ABCC1: variants seen among roughly 807,000 people sequenced by gnomAD.
ABCC1 encodes multidrug resistance-associated protein 1.
ABCC1 carries 83 observed loss-of-function variants against 172.9 expected under a neutral mutation model. The observed-to-expected ratio is 0.48, with a 90% CI of 0.40 to 0.58. The LOEUF is 0.58. Among genes scored for constraint, ABCC1 ranks in the 20% least tolerant of loss-of-function variants. ABCC1 has a pLI of 0.00. For synonymous variants in ABCC1, 937 were observed against 825.2 expected (o/e 1.14, Z -2.32); for missense variants, 1,817 against 2,002.7 (o/e 0.91, Z 1.77).
rs1345574420 is a variant in ABCC1 at position 16,052,720 on chromosome 16, T to G, written c.1381-4T>G. Reference sequence around the variant, plus strand: ...GTGATGAAGAGTCTCCTTTCCTTCCTTAGAATCTGGGCCCTTCCGTCCTGG... The same window carrying G: ...GTGATGAAGAGTCTCCTTTCCTTCCGTAGAATCTGGGCCCTTCCGTCCTGG... On this transcript the variant is annotated splice_polypyrimidine_tract_variant and splice_region_variant and intron_variant, in intron 10 of 30. Transcript: ENST00000399410. The G allele has an allele frequency of 1.2e-6, 2 of 1,614,058 alleles. No homozygotes were observed. The highest frequency in any genetic ancestry group is 1.7e-5 in the Admixed American group (1 of 60,006).
At chr16:16,023,935 T>C (rs532832748) in intron 5 of ABCC1, among the ~76,000 whole-genome samples, 1 of 152,276 alleles carries the variant, frequency 6.6e-6, no homozygotes, top group Admixed American at 6.5e-5. Flanking sequence ...TCGGCTTGGC[T>C]AGGCTGGGTG....
rs1422782613 is a variant in ABCC1 at position 15,999,813 on chromosome 16, T to TC, written c.49-8002dup. On this transcript the variant is annotated intron_variant, in intron 1 of 30. Transcript: ENST00000399410. ...TCTCTCTCTCTCTCTCTCTCTCCTC[T>TC]CTCTCTCTCTCTCTCTCTCTGTCTC... is the stretch of plus-strand genomic sequence containing the variant. Among the ~76,000 whole-genome samples, 42 of 55,112 alleles carry TC rather than the reference T, an allele frequency of 7.6e-4. 1 individual carries two copies. Among genetic ancestry groups the TC allele is most frequent in the African/African-American group, 2.5e-3 (36 of 14,404 alleles). The allele number at this position is 55,112 out of a possible 152,430, so 36.2% of individuals were successfully genotyped here.
chr16:16,123,346 A>G (rs956648664), intron 24 of ABCC1, among the ~76,000 whole-genome samples: 1 of 152,178 alleles, frequency 6.6e-6, no homozygotes, highest in Non-Finnish European at 1.5e-5. Context: ...CTTTAAACAA[A>G]TAAGATGGCC....
intron 1 of ABCC1, among the ~76,000 whole-genome samples, chr16:16,005,863 A>G (rs1344719040): frequency 6.6e-6 from 1 of 152,138 alleles, no homozygotes; most frequent in Non-Finnish European, 1.5e-5. Flanking sequence ...TTGAGGCAGG[A>G]GAATCACTTG....
At chr16:15,999,700 C>T (rs1432815546) in intron 1 of ABCC1, among the ~76,000 whole-genome samples, 1 of 145,006 alleles carries the variant, frequency 6.9e-6, no homozygotes, top group African/African-American at 2.5e-5. Flanking sequence ...TCCTGGGCTC[C>T]AGCTGTCCTC....
At chr16:15,999,834 G>GTT (rs2047217070) in intron 1 of ABCC1, among the ~76,000 whole-genome samples, 1 of 9,418 alleles carries the variant, frequency 1.1e-4, no homozygotes. Context: ...CTCTCTCTCT[G>GTT]TCTCTTTCTT....
At position 16,058,036 on chromosome 16, in the gene ABCC1, T is replaced by G. The variant is rs142513075; in HGVS notation, c.1677+1741T>G. 8.5e-5 allele frequency among the ~76,000 whole-genome samples: 13 copies of G among 152,204 alleles called. No homozygotes were observed. In the East Asian group the frequency reaches 2.5e-3, roughly 29 times the overall value. On this transcript the variant is annotated intron_variant, in intron 12 of 30. Transcript: ENST00000399410. The stretch of plus-strand genomic sequence containing the variant: ...CCCATTCCTTGCAAAAACAGGTTGT[T>G]CCCTGTTTTTTTTGCTGTTATGATC...
At chr16:16,030,135 C>T (rs2048513538) in intron 5 of ABCC1, among the ~76,000 whole-genome samples, 1 of 152,202 alleles carries the variant, frequency 6.6e-6, no homozygotes, top group Non-Finnish European at 1.5e-5. Context: ...ATACTTGTTT[C>T]TTTCCGCTTT....
chr16:15,996,225 C>T lies in ABCC1; in HGVS notation c.49-11591C>T, dbSNP rs558791356. On this transcript the variant is annotated intron_variant, in intron 1 of 30. Transcript: ENST00000399410. ...GTCTCGAACTCCTGACCTCATGATC[C>T]GCCCGCCTCAGCCTCCCAAAGTGCT... Among the ~76,000 whole-genome samples, 44 of 152,154 alleles carry T rather than the reference C, an allele frequency of 2.9e-4. No individual in the cohort carries two copies. The South Asian group carries it at 7.7e-3, about 27-fold the overall frequency.
At chr16:16,027,595 T>G (rs947143662) in intron 5 of ABCC1, among the ~76,000 whole-genome samples, 2 of 152,170 alleles carry the variant, frequency 1.3e-5, no homozygotes, top group Non-Finnish European at 2.9e-5. Context: ...GGTGGATCAC[T>G]TGAGCTCAGG....
intron 1 of ABCC1, among the ~76,000 whole-genome samples, chr16:16,007,214 T>TG (rs1555480445): frequency 1.4e-5 from 2 of 145,774 alleles, no homozygotes; most frequent in South Asian, 4.4e-4. Flanking sequence ...GTATGCACTG[T>TG]TGTGTGTGTG....
In ABCC1 at chr16:16,131,909, A is replaced by G. The variant is rs758209125; in HGVS notation, c.3940A>G (p.Asn1314Asp). The G allele has an allele frequency of 2.5e-6, 4 of 1,613,846 alleles. No homozygotes were observed. Among genetic ancestry groups the G allele is most frequent in the Admixed American group, 3.3e-5 (2 of 59,986 alleles). ...EDLDFVLRHI[N>D]VTINGGEKVG... ...CCTGGACTTCGTTCTCAGGCACATC[A>G]ATGTCACGATCAATGGGGGAGAAAA... Residue 1314 changes from asparagine (N) to aspartate (D), a missense_variant, in exon 27 of 31, where the codon AAT (asparagine) becomes GAT (aspartate). Asn to Asp is a conservative substitution (Grantham distance 23). Around this residue, in one of 3 missense-constraint regions of ABCC1, gnomAD observed 1,412 missense variants for 1,600.3 expected, o/e 0.88. Coordinates refer to ENST00000399410, the MANE Select transcript of ABCC1 (RefSeq NM_004996.4).
At chr16:16,068,058 G>A in intron 12 of ABCC1, 98 bp from the exon 13 acceptor site, 4 of 1,468,492 alleles carry the variant, frequency 2.7e-6, no homozygotes, top group Non-Finnish European at 3.7e-6. Flanking sequence ...GTGGCCACCT[G>A]GGGAGGGCCC....
At chr16:16,005,970 G>C (rs2047515520) in intron 1 of ABCC1, among the ~76,000 whole-genome samples, 1 of 150,980 alleles carries the variant, frequency 6.6e-6, no homozygotes, top group Non-Finnish European at 1.5e-5. Flanking sequence ...TTCCAGTCTG[G>C]GTGACAAAGC....
intron 1 of ABCC1, among the ~76,000 whole-genome samples, chr16:15,960,774 G>C (rs1412041008): frequency 6.6e-6 from 1 of 152,082 alleles, no homozygotes; most frequent in Non-Finnish European, 1.5e-5. Context: ...GAAGATCATG[G>C]TGTGGTTAAA....
At chr16:16,027,827 GGT>G (rs952804588) in intron 5 of ABCC1, among the ~76,000 whole-genome samples, 3 of 152,078 alleles carry the variant, frequency 2.0e-5, no homozygotes, top group African/African-American at 7.2e-5. Context: ...ATATATTTAA[GGT>G]GTACAGTTTT....
chr16:16,073,132 T>C (rs2050418930), intron 14 of ABCC1, among the ~76,000 whole-genome samples: 2 of 152,104 alleles, frequency 1.3e-5, no homozygotes, highest in Non-Finnish European at 2.9e-5. Flanking sequence ...GCACATGCCA[T>C]TCCAAGGATG....
intron 22 of ABCC1, among the ~76,000 whole-genome samples, chr16:16,113,703 G>A (rs1335402091): frequency 6.6e-6 from 1 of 152,106 alleles, no homozygotes; most frequent in African/African-American, 2.4e-5. Context: ...GACTAGACAC[G>A]TTTCAAGTGC....
At chr16:16,134,185 C>T (rs2045821898) in intron 27 of ABCC1, among the ~76,000 whole-genome samples, 165 bp from the exon 28 acceptor site, 1 of 152,146 alleles carries the variant, frequency 6.6e-6, no homozygotes, top group African/African-American at 2.4e-5. Context: ...TCGGCCGAAA[C>T]ACCCTTAAAG....
Sources: allele counts gnomAD v4.1 joint callset (sites outside exome capture counted in the v4.1 genomes callset), GRCh38; gene constraint gnomAD v4.1.1; regional missense constraint gnomAD v4.1.1; transcripts MANE v1.5; gene names NCBI Gene and HGNC (gene_info 2026-07-23, HGNC 2026-07-21).